The following CSMD1 variants were observed in gnomAD, a reference collection of about 807,000 sequenced individuals.
The protein encoded by CSMD1 is CUB and Sushi multiple domains 1.
CSMD1 carries 213 observed loss-of-function variants against 417.5 expected under a neutral mutation model. The ratio of observed to expected loss-of-function variants is 0.51; its 90% confidence interval spans 0.46 to 0.57. The LOEUF is 0.57. Ranked by LOEUF, CSMD1 falls within the 20% of genes least tolerant of loss-of-function variation. CSMD1 has a pLI of 0.00. For missense variants in CSMD1, 6,923 were observed against 4,529.7 expected (o/e 1.53, Z -15.17); for synonymous variants, 2,862 against 1,736.8 (o/e 1.65, Z -16.11).
chr8:3,439,309 A>ATATATTTTTTTT, intron 12 of CSMD1, among the ~76,000 whole-genome samples: 23 of 62,438 alleles, frequency 3.7e-4, no homozygotes, highest in East Asian at 1.7e-3. Flanking sequence ...ATATATATAT[A>ATATATTTTTTTT]TTTTTTTTTT....
chr8:2,994,953 T>C (rs746381257), intron 54 of CSMD1, among the ~76,000 whole-genome samples: 2 of 152,256 alleles, frequency 1.3e-5, no homozygotes, highest in African/African-American at 4.8e-5. Flanking sequence ...ATATATCAAA[T>C]GCAAAGTGAT....
At chr8:3,796,505 A>C (rs1490304586) in intron 5 of CSMD1, among the ~76,000 whole-genome samples, 1 of 143,948 alleles carries the variant, frequency 6.9e-6, no homozygotes, top group South Asian at 2.2e-4. Flanking sequence ...AGATATAGAT[A>C]TATATATCTA....
At chr8:3,524,241 ACACC>A (rs1311123379) in intron 10 of CSMD1, among the ~76,000 whole-genome samples, 4 of 151,502 alleles carry the variant, frequency 2.6e-5, no homozygotes, top group African/African-American at 4.9e-5. Context: ...ACACACATAC[ACACC>A]CAGAGACATA....
intron 3 of CSMD1, among the ~76,000 whole-genome samples, chr8:4,072,688 A>C (rs1799621486): frequency 6.6e-6 from 1 of 152,176 alleles, no homozygotes; most frequent in African/African-American, 2.4e-5. Flanking sequence ...TCCTAGAATG[A>C]TTTCAACTCT....
At chr8:3,314,835 C>A (rs928029135) in intron 23 of CSMD1, among the ~76,000 whole-genome samples, 1 of 152,206 alleles carries the variant, frequency 6.6e-6, no homozygotes, top group South Asian at 2.1e-4. Context: ...AAATAAAGCA[C>A]TTGTGTTTCA....
chr8:3,366,057 T>C (rs181969715), intron 20 of CSMD1, among the ~76,000 whole-genome samples: 2 of 152,300 alleles, frequency 1.3e-5, no homozygotes, highest in East Asian at 1.9e-4. Context: ...ATCTCAAAAG[T>C]AGAATAAATT....
chr8:4,324,675 GAT>G (rs1451876862), intron 3 of CSMD1, among the ~76,000 whole-genome samples: 6 of 152,204 alleles, frequency 3.9e-5, no homozygotes, highest in African/African-American at 1.4e-4. Flanking sequence ...CAGCTCAGAG[GAT>G]ATAAGGGCAA....
chr8:3,729,443 G>C (rs993110938), intron 6 of CSMD1, among the ~76,000 whole-genome samples: 1 of 152,134 alleles, frequency 6.6e-6, no homozygotes, highest in South Asian at 2.1e-4. Context: ...TATAATATCC[G>C]CCAGTAGATG....
intron 2 of CSMD1, among the ~76,000 whole-genome samples, chr8:4,465,572 G>T (rs536265335): frequency 5.5e-4 from 84 of 152,278 alleles, no homozygotes; most frequent in African/African-American, 2.0e-3. Context: ...AGCAATGCCT[G>T]TTTTTCAGCA....
At chr8:3,508,446 T>G (rs1485535217) in intron 10 of CSMD1, among the ~76,000 whole-genome samples, 1 of 151,874 alleles carries the variant, frequency 6.6e-6, no homozygotes, top group East Asian at 1.9e-4. Flanking sequence ...ACATGGCACA[T>G]GTATACATAT....
intron 5 of CSMD1, among the ~76,000 whole-genome samples, chr8:3,851,619 A>C (rs573137298): frequency 6.6e-6 from 1 of 152,352 alleles, no homozygotes; most frequent in Non-Finnish European, 1.5e-5. Context: ...CTGGAGAAAA[A>C]AACATCCATT....
intron 3 of CSMD1, among the ~76,000 whole-genome samples, chr8:4,369,786 T>C (rs577166465): frequency 1.3e-5 from 2 of 152,336 alleles, no homozygotes; most frequent in Admixed American, 6.5e-5. Flanking sequence ...GTTTGCCTGA[T>C]AGATCTTTAT....
chr8:4,023,753 A>ATTTTTTTTTTTTTTTT, intron 4 of CSMD1, among the ~76,000 whole-genome samples: 1 of 50,126 alleles, frequency 2.0e-5, no homozygotes, highest in Non-Finnish European at 3.5e-5. Context: ...CGCTCGGCTA[A>ATTTTTTTTTTTTTTTT]TTTTTTTTTT....
intron 26 of CSMD1, among the ~76,000 whole-genome samples, chr8:3,251,770 G>C (rs1239660645): frequency 2.0e-5 from 3 of 152,068 alleles, no homozygotes; most frequent in African/African-American, 7.2e-5. Flanking sequence ...TCCTTGAAGA[G>C]GTCCTTCACA....
intron 3 of CSMD1, among the ~76,000 whole-genome samples, chr8:4,119,957 A>C (rs374488391): frequency 1.3e-5 from 2 of 151,696 alleles, no homozygotes; most frequent in South Asian, 4.2e-4. Context: ...GTATCAAAAA[A>C]ATTAGTTTAA....
intron 6 of CSMD1, among the ~76,000 whole-genome samples, chr8:3,733,333 TAC>T (rs1003922034): frequency 3.4e-5 from 5 of 147,994 alleles, no homozygotes; most frequent in African/African-American, 1.2e-4. Context: ...CAAATATATA[TAC>T]ACAGACATAT....
chr8:4,990,661 C>G (rs898255388), intron 1 of CSMD1, among the ~76,000 whole-genome samples: 5 of 152,146 alleles, frequency 3.3e-5, no homozygotes, highest in Non-Finnish European at 5.9e-5. Context: ...ATCCGGCCCA[C>G]TTTTTTATTG....
chr8:3,554,339 C>T (rs1799047259), intron 10 of CSMD1, among the ~76,000 whole-genome samples: 1 of 152,200 alleles, frequency 6.6e-6, no homozygotes. Context: ...GAAATAACTA[C>T]AGAAGACCTG....
intron 5 of CSMD1, among the ~76,000 whole-genome samples, chr8:3,774,620 T>A (rs4302867): frequency 0.33 from 49,860 of 152,028 alleles, 8,321 homozygotes; most frequent in Admixed American, 0.37. Context: ...TGTTTCAAAT[T>A]CTCACTATCT....
Sources: allele counts gnomAD v4.1 joint callset (sites outside exome capture counted in the v4.1 genomes callset), GRCh38; gene constraint gnomAD v4.1.1; transcripts MANE v1.5; gene names NCBI Gene and HGNC (gene_info 2026-07-23, HGNC 2026-07-21).